IQSEC3: variants seen among roughly 807,000 people sequenced by gnomAD.
The protein encoded by IQSEC3 is IQ motif and Sec7 domain ArfGEF 3, also known as IQ motif and SEC7 domain-containing protein 3.
In IQSEC3, 50 loss-of-function variants were observed where a neutral mutation model predicts 105.4. The ratio of observed to expected loss-of-function variants is 0.47; its 90% CI spans 0.38 to 0.60. IQSEC3 has a LOEUF of 0.60. Ranked by LOEUF, IQSEC3 falls within the 20% of genes least tolerant of loss-of-function variation. IQSEC3 has a pLI of 0.00. For synonymous variants in IQSEC3, 708 were observed against 746.0 expected (o/e 0.95, Z 0.83); for missense variants, 1,415 against 1,630.0 (o/e 0.87, Z 2.27).
At chr12:69,792 C>T (rs1383126518) in intron 1 of IQSEC3, among the ~76,000 whole-genome samples, 1 of 152,276 alleles carries the variant, frequency 6.6e-6, no homozygotes, top group Non-Finnish European at 1.5e-5. Flanking sequence ...GACGGAATCA[C>T]CATTGCTAAT....
At chr12:100,030 G>A (rs781742910) in intron 2 of IQSEC3, among the ~76,000 whole-genome samples, 17 of 139,432 alleles carry the variant, frequency 1.2e-4, no homozygotes, top group Admixed American at 4.0e-4. Flanking sequence ...CTCTTTTCTT[G>A]ACTTGTTCTT....
At chr12:110,255 C>T (rs545091680) in intron 2 of IQSEC3, among the ~76,000 whole-genome samples, 1 of 152,128 alleles carries the variant, frequency 6.6e-6, no homozygotes, top group African/African-American at 2.4e-5. Context: ...TTTTTCATTC[C>T]ACCTATCAAT....
chr12:99,711 C>T (rs1359924360), intron 2 of IQSEC3, among the ~76,000 whole-genome samples: 1 of 152,220 alleles, frequency 6.6e-6, no homozygotes, highest in Non-Finnish European at 1.5e-5. Flanking sequence ...AGTTGACAGC[C>T]TCGGACTGGA....
At chr12:74,597 G>T (rs1396077067) in intron 1 of IQSEC3, among the ~76,000 whole-genome samples, 8 of 152,258 alleles carry the variant, frequency 5.3e-5, no homozygotes, top group Middle Eastern at 6.3e-3. Flanking sequence ...TGGCAGGTGG[G>T]CTGCTATGGT....
chr12:130,121 A>G (rs1408387735), intron 3 of IQSEC3, among the ~76,000 whole-genome samples: 1 of 152,188 alleles, frequency 6.6e-6, no homozygotes, highest in Non-Finnish European at 1.5e-5. Flanking sequence ...ACAGCACTGC[A>G]CAGCTGCTCT....
Position 84,094 on chromosome 12 carries a change from C to T in IQSEC3, c.555-15052C>T, listed in dbSNP as rs551739238. On this transcript the variant is annotated intron_variant, in intron 1 of 13. Coordinates refer to ENST00000538872, the MANE Select transcript of IQSEC3 (RefSeq NM_001170738.2). ...AGCTGTCCTCACTGTAAGAGGAGTC[C>T]CCTGTGGTGTGGGAAGTGCTTCCCC... Among the ~76,000 whole-genome samples, 12 of 152,310 alleles carry T rather than the reference C, an allele frequency of 7.9e-5. 1 individual carries two copies. In the East Asian group the frequency reaches 2.3e-3, roughly 29 times the overall value.
At chr12:126,267 A>G (rs1475455075) in intron 3 of IQSEC3, among the ~76,000 whole-genome samples, 1 of 152,222 alleles carries the variant, frequency 6.6e-6, no homozygotes. Context: ...TAGAGGCCAT[A>G]GTCCAGCTTC....
At chr12:162,112 C>T (rs1555096474) in intron 8 of IQSEC3, 47 bp downstream of exon 8, 1 of 1,599,348 alleles carries the variant, frequency 6.3e-7, no homozygotes, top group Admixed American at 1.7e-5. Context: ...TCCTTTCTTT[C>T]TTCCTGGCAT....
chr12:130,974 C>T (rs1315245293), intron 3 of IQSEC3, among the ~76,000 whole-genome samples: 1 of 146,660 alleles, frequency 6.8e-6, no homozygotes, highest in Non-Finnish European at 1.5e-5. Context: ...AAGCCCCCCA[C>T]ACCTCCCCGC....
chr12:92,370 C>T (rs1319425645), intron 1 of IQSEC3, among the ~76,000 whole-genome samples: 1 of 152,302 alleles, frequency 6.6e-6, no homozygotes, highest in East Asian at 1.9e-4. Context: ...ACTCGCAGGG[C>T]CACAGCCTTG....
intron 3 of IQSEC3, among the ~76,000 whole-genome samples, chr12:134,801 G>A (rs1865707152): frequency 6.9e-6 from 1 of 145,754 alleles, no homozygotes; most frequent in Non-Finnish European, 1.5e-5. Flanking sequence ...GGGAGGCCAA[G>A]GTGGGGTATA....
chr12:87,533 T>G (rs781929117), intron 1 of IQSEC3, among the ~76,000 whole-genome samples: 1 of 152,160 alleles, frequency 6.6e-6, no homozygotes, highest in African/African-American at 2.4e-5. Context: ...AGAACCCAGA[T>G]GACAGCAAGT....
At chr12:135,818 C>T (rs1308601543) in intron 3 of IQSEC3, among the ~76,000 whole-genome samples, 1 of 152,184 alleles carries the variant, frequency 6.6e-6, no homozygotes, top group African/African-American at 2.4e-5. Context: ...TTGAATTGTG[C>T]CAACAAGAGC....
At position 152,136 on chromosome 12, in the gene IQSEC3, G is replaced by A. The variant is rs1405091349; in HGVS notation, c.2154-4889G>A. Among the ~76,000 whole-genome samples the A allele has an allele frequency of 1.3e-5, 2 of 152,036 alleles. No homozygotes were observed. The highest frequency in any genetic ancestry group is 2.9e-5 in the Non-Finnish European group (2 of 68,014). On this transcript the variant is annotated intron_variant, in intron 5 of 13. Transcript: ENST00000538872. The surrounding 1 kb of genome is among the most constrained non-coding windows in gnomAD (Gnocchi z 4.8). ...ACGGGGCCACTCAGTGCTCGTTGCT[G>A]AAAGAGTCAACCAGCCACTGCCACA...
intron 3 of IQSEC3, among the ~76,000 whole-genome samples, chr12:126,191 C>T (rs1452075279): frequency 1.3e-5 from 2 of 152,244 alleles, no homozygotes; most frequent in Non-Finnish European, 2.9e-5. Flanking sequence ...AAGCCTCCAC[C>T]GCCCCACTGA....
At position 165,801 on chromosome 12, in the gene IQSEC3, C is replaced by T. The variant is rs782223384; in HGVS notation, c.2882C>T (p.Ala961Val). Residue 961 changes from alanine (A) to valine (V), a missense_variant, in exon 11 of 14, where the codon GCC becomes GTC. Physicochemically the swap from Ala to Val is moderately conservative, Grantham distance 64 (BLOSUM62 0). Transcript: ENST00000538872. ...AAGAAGCAGGTGCTGCATTTCTGTG[C>T]CCTGGGCTCGGACGAGATGCAGAAG... is the stretch of plus-strand genomic sequence containing the variant. ...SEKKQVLHFCALGSDEMQKFV... is the reference protein window; with the variant it reads ...SEKKQVLHFCVLGSDEMQKFV... 1.2e-6 allele frequency: 2 copies of T among 1,614,038 alleles called. No homozygotes were observed. The highest frequency in any genetic ancestry group is 3.3e-5 in the Admixed American group (2 of 60,030).
intron 2 of IQSEC3, among the ~76,000 whole-genome samples, chr12:124,270 T>A (rs1865309306): frequency 6.6e-6 from 1 of 151,082 alleles, no homozygotes; most frequent in Non-Finnish European, 1.5e-5. Flanking sequence ...ATGCCTGTAA[T>A]CCCAGCCACT....
chr12:75,130 C>A (rs2650211), intron 1 of IQSEC3, among the ~76,000 whole-genome samples: 1 of 152,272 alleles, frequency 6.6e-6, no homozygotes, highest in Non-Finnish European at 1.5e-5. Context: ...GGAAGGGGGA[C>A]AAATCAACAC....
At position 138,228 on chromosome 12, in the gene IQSEC3, C is replaced by T; in HGVS notation, c.904-39C>T. ...CCTCAGAAGGGCTGACCACCCTTCC[C>T]CTCTGAGCCCTTCCTCCTCTCTGTC... On this transcript the variant is annotated intron_variant, in intron 3 of 13. Coordinates refer to ENST00000538872, the MANE Select transcript of IQSEC3 (RefSeq NM_001170738.2). This position sits in a 1 kb window ranked among gnomAD's most constrained non-coding sequence, Gnocchi z 7.1. 1 of 1,553,750 alleles carries T rather than the reference C, an allele frequency of 6.4e-7. No individual in the cohort carries two copies. Among genetic ancestry groups the T allele is most frequent in the Non-Finnish European group, 8.8e-7 (1 of 1,138,764 alleles).
Sources: gnomAD v4.1 joint callset for allele counts (sites outside exome capture counted in the v4.1 genomes callset) on GRCh38, gnomAD v4.1.1 for gene constraint, Gnocchi (gnomAD v3.1) non-coding constraint, MANE v1.5 for transcripts, NCBI Gene and HGNC (gene_info 2026-07-23, HGNC 2026-07-21) for gene names.